Variants in TTLL5 observed in about 807,000 individuals in gnomAD.
The protein encoded by TTLL5 is tubulin polyglutamylase TTLL5.
In TTLL5, 132 loss-of-function variants were observed where a neutral mutation model predicts 168.4. That is an observed-to-expected ratio of 0.78 (90% CI 0.68 to 0.91). The LOEUF (loss-of-function observed/expected upper bound fraction) is 0.91. Ranked by LOEUF, TTLL5 falls within the 40% of genes least tolerant of loss-of-function variation. TTLL5 has a pLI of 0.00. For missense variants in TTLL5, 1,545 were observed against 1,581.5 expected (o/e 0.98, Z 0.39); for synonymous variants, 546 against 558.6 (o/e 0.98, Z 0.32).
At chr14:75,865,561 A>C (rs1418142539) in intron 29 of TTLL5, among the ~76,000 whole-genome samples, 2 of 152,130 alleles carry the variant, frequency 1.3e-5, no homozygotes, top group African/African-American at 2.4e-5. Flanking sequence ...GCTCTAATGA[A>C]TCTAGACAGT....
chr14:75,897,398 A>G (rs2032717966), intron 30 of TTLL5, among the ~76,000 whole-genome samples: 1 of 152,212 alleles, frequency 6.6e-6, no homozygotes, highest in Non-Finnish European at 1.5e-5. Flanking sequence ...GTGTCTTATT[A>G]TAGTTTTTAA....
At chr14:75,724,786 G>T (rs1888085248) in intron 12 of TTLL5, among the ~76,000 whole-genome samples, 1 of 152,092 alleles carries the variant, frequency 6.6e-6, no homozygotes, top group South Asian at 2.1e-4. Context: ...TGCCTTCCAA[G>T]ATCGTGAAAA....
intron 31 of TTLL5, among the ~76,000 whole-genome samples, chr14:75,925,826 A>ATCAC (rs2034034516): frequency 6.6e-6 from 1 of 152,010 alleles, no homozygotes; most frequent in African/African-American, 2.4e-5. Context: ...AGGCTGGCGG[A>ATCAC]TCACTCGCGG....
chr14:75,743,833 G>A (rs1224205593), intron 15 of TTLL5, among the ~76,000 whole-genome samples: 5 of 151,952 alleles, frequency 3.3e-5, no homozygotes, highest in African/African-American at 9.7e-5. Context: ...TGCCCACCTT[G>A]GCCTCCCAAA....
intron 7 of TTLL5, among the ~76,000 whole-genome samples, chr14:75,699,567 T>G (rs953093139): frequency 6.6e-6 from 1 of 152,228 alleles, no homozygotes; most frequent in Non-Finnish European, 1.5e-5. Context: ...ATTGTGATGT[T>G]AATTCCTACA....
chr14:75,855,150 G>GAAAAAAAA (rs55874311), intron 28 of TTLL5, among the ~76,000 whole-genome samples: 3 of 130,496 alleles, frequency 2.3e-5, no homozygotes, highest in Non-Finnish European at 4.8e-5. Context: ...TATGCTAGAA[G>GAAAAAAAA]AAAAAAAAAA....
intron 3 of TTLL5, among the ~76,000 whole-genome samples, chr14:75,675,011 T>G (rs1464834784): frequency 1.3e-5 from 2 of 152,142 alleles, no homozygotes; most frequent in African/African-American, 2.4e-5. Flanking sequence ...TCGGTCTATA[T>G]TTAGATTTTA....
rs1887867663 is a variant in TTLL5, at chr14:75,721,985, G to A, written c.1042+1282G>A. 1.3e-5 allele frequency among the ~76,000 whole-genome samples: 2 copies of A among 152,122 alleles called. 1 individual carries two copies. Among genetic ancestry groups the A allele is most frequent in the South Asian group, 4.1e-4 (2 of 4,822 alleles). On this transcript the variant is annotated intron_variant, in intron 12 of 31. Transcript: ENST00000298832. ...TCATGTCTTCTGAAATCCTTAAATGGTTCCTTAGGCTTAAATTGTATAATA... is the reference window on the plus strand; with the variant it reads ...TCATGTCTTCTGAAATCCTTAAATGATTCCTTAGGCTTAAATTGTATAATA...
rs567137902 is a variant in TTLL5, at chr14:75,702,798, T to C, written c.585+3528T>C. On this transcript the variant is annotated intron_variant, in intron 7 of 31. Coordinates refer to ENST00000298832, the MANE Select transcript of TTLL5 (RefSeq NM_015072.5). ...ACCTTTTGCCTTCCCCCTCCCTCTTTGTGAAGCTTTGGAATGAGTCTGATT... is the reference window on the plus strand; with the variant it reads ...ACCTTTTGCCTTCCCCCTCCCTCTTCGTGAAGCTTTGGAATGAGTCTGATT... Among the ~76,000 whole-genome samples, 12 of 152,252 alleles carry C rather than the reference T, an allele frequency of 7.9e-5. No homozygotes were observed. In the East Asian group the frequency reaches 1.4e-3, roughly 17 times the overall value.
intron 18 of TTLL5, among the ~76,000 whole-genome samples, chr14:75,763,798 A>G (rs561173887): frequency 1.3e-5 from 2 of 152,232 alleles, no homozygotes; most frequent in South Asian, 4.1e-4. Context: ...TTTAATGCCT[A>G]ATGTAGCTGG....
chr14:75,732,670 T>C (rs1888619638), intron 13 of TTLL5, among the ~76,000 whole-genome samples: 1 of 152,210 alleles, frequency 6.6e-6, no homozygotes, highest in East Asian at 1.9e-4. Flanking sequence ...TAAGGGATGA[T>C]TCTTGCATTC....
At chr14:75,715,955 G>T (rs1278649169) in intron 9 of TTLL5, among the ~76,000 whole-genome samples, 1 of 152,150 alleles carries the variant, frequency 6.6e-6, no homozygotes, top group Non-Finnish European at 1.5e-5. Context: ...AACTACAAGA[G>T]ATGAAAAGCC....
intron 7 of TTLL5, among the ~76,000 whole-genome samples, chr14:75,706,340 A>G (rs1195736013): frequency 6.6e-6 from 1 of 152,236 alleles, no homozygotes; most frequent in African/African-American, 2.4e-5. Flanking sequence ...ACTGAATCTT[A>G]AATCTGCCAG....
chr14:75,899,874 A>G (rs1225764753), intron 30 of TTLL5, among the ~76,000 whole-genome samples: 2 of 152,034 alleles, frequency 1.3e-5, no homozygotes, highest in Non-Finnish European at 2.9e-5. Context: ...TCATCCCTCA[A>G]GCAGTTTTCT....
At chr14:75,946,537 A>G (rs896542149) in intron 31 of TTLL5, among the ~76,000 whole-genome samples, 1 of 152,234 alleles carries the variant, frequency 6.6e-6, no homozygotes, top group Admixed American at 6.5e-5. Context: ...AGTTGACTCA[A>G]TGTTCCAGTG....
At chr14:75,705,162 A>G (rs1386176850) in intron 7 of TTLL5, among the ~76,000 whole-genome samples, 1 of 152,228 alleles carries the variant, frequency 6.6e-6, no homozygotes, top group Non-Finnish European at 1.5e-5. Flanking sequence ...GAGTCAGGAA[A>G]TGGTATGGAT....
chr14:75,906,149 C>T (rs941550492), intron 31 of TTLL5, among the ~76,000 whole-genome samples: 48 of 152,168 alleles, frequency 3.2e-4, no homozygotes, highest in African/African-American at 1.1e-3. Flanking sequence ...CCCTGTGGAG[C>T]CAAAACCCTA....
Position 75,661,258 on chromosome 14 carries a change from G to C in TTLL5, c.-225G>C, listed in dbSNP as rs1340445290. ...AGTGGCTCCGAGCGGGCGGTTGCTTGTTGGTTGTTGTAGTAACCGGGGAAG... is the reference window on the plus strand; with the variant it reads ...AGTGGCTCCGAGCGGGCGGTTGCTTCTTGGTTGTTGTAGTAACCGGGGAAG... On this transcript the variant is annotated 5_prime_UTR_variant, in exon 1 of 32. Transcript: ENST00000298832. 3 of 152,278 alleles carry C rather than the reference G, an allele frequency of 2.0e-5. No individual in the cohort carries two copies. Among genetic ancestry groups the C allele is most frequent in the African/African-American group, 7.2e-5 (3 of 41,474 alleles). 9.4% of individuals were successfully genotyped at this position (152,278 alleles called of 1,614,324 possible).
intron 28 of TTLL5, among the ~76,000 whole-genome samples, chr14:75,855,389 A>G (rs1461877531): frequency 6.6e-6 from 1 of 152,218 alleles, no homozygotes; most frequent in Non-Finnish European, 1.5e-5. Flanking sequence ...AGATGAATCA[A>G]CATTTGAAAG....
Sources: gnomAD v4.1 joint callset for allele counts (sites outside exome capture counted in the v4.1 genomes callset) on GRCh38, gnomAD v4.1.1 for gene constraint, MANE v1.5 for transcripts, NCBI Gene and HGNC (gene_info 2026-07-23, HGNC 2026-07-21) for gene names.